Variants in WDFY4 observed in about 807,000 individuals in gnomAD.
WDFY4 encodes WDFY family member 4, also known as WD repeat- and FYVE domain-containing protein 4.
A neutral mutation model predicts 351.9 loss-of-function variants in WDFY4; 169 were observed. The ratio of observed to expected loss-of-function variants is 0.48; its 90% CI spans 0.42 to 0.55. The LOEUF is 0.55. WDFY4 is among the 20% of genes least tolerant of loss of function. WDFY4 has a pLI of 0.00. For missense variants in WDFY4, 3,803 were observed against 3,935.6 expected (o/e 0.97, Z 0.90); for synonymous variants, 1,622 against 1,574.6 (o/e 1.03, Z -0.71).
chr10:48,810,854 C>A, intron 29 of WDFY4, 119 bp downstream of exon 29: 1 of 1,070,548 alleles, frequency 9.3e-7, no homozygotes, highest in Non-Finnish European at 1.3e-6. Flanking sequence ...AGGATCACCT[C>A]GAGCCCTGAC....
rs551421418 is a variant in WDFY4 at position 48,784,504 on chromosome 10, T to C, written c.3577-2135T>C. The stretch of plus-strand genomic sequence containing the variant: ...CTCAGTGATGTCCATCCATATTTTT[T>C]GCCCATTTTCTAATTGCATTGTTTG... On this transcript the variant is annotated intron_variant, in intron 19 of 61. Coordinates refer to ENST00000325239, the MANE Select transcript of WDFY4 (RefSeq NM_001394531.1). Among the ~76,000 whole-genome samples, 9 of 150,242 alleles carry C rather than the reference T, an allele frequency of 6.0e-5. No individual in the cohort carries two copies. The East Asian group carries it at 1.4e-3, about 23-fold the overall frequency.
chr10:48,941,917 T>A lies in WDFY4; in HGVS notation c.7629+69T>A, dbSNP rs551489642. On this transcript the variant is annotated intron_variant, in intron 48 of 61. Transcript: ENST00000325239. ...CAGAGAATGGCTCAGGCCCCAGCGA[T>A]GGAGAGGAAGTGTGTGGATCAACCA... The A allele has an allele frequency of 1.4e-4, 197 of 1,451,972 alleles. No homozygotes were observed. The African/African-American group carries it at 2.4e-3, about 17-fold the overall frequency. 89.9% of individuals were successfully genotyped at this position (1,451,972 alleles called of 1,614,324 possible).
intron 2 of WDFY4, among the ~76,000 whole-genome samples, chr10:48,712,506 G>A (rs2063793519): frequency 6.6e-6 from 1 of 152,156 alleles, no homozygotes; most frequent in South Asian, 2.1e-4. Flanking sequence ...CTTAATATCT[G>A]TATTATTTTA....
chr10:48,718,085 C>T lies in WDFY4; in HGVS notation c.235-1926C>T, dbSNP rs1408666929. 2.6e-5 allele frequency among the ~76,000 whole-genome samples: 4 copies of T among 152,274 alleles called. No homozygotes were observed. The East Asian group carries it at 7.7e-4, about 29-fold the overall frequency. On this transcript the variant is annotated intron_variant, in intron 2 of 61. Transcript: ENST00000325239. ...TTGTCAGGTATTTCATTTTTGCCAA[C>T]CCAAAACATATAAAATATTGAGGTT...
chr10:48,721,346 C>T lies in WDFY4; in HGVS notation c.435C>T (p.Tyr145=), dbSNP rs753784939. 35 of 1,551,516 alleles carry T rather than the reference C, an allele frequency of 2.3e-5. No individual in the cohort carries two copies. Among genetic ancestry groups the T allele is most frequent in the Admixed American group, 3.9e-5 (2 of 50,978 alleles). Reference sequence around the variant, plus strand: ...GCTACTTGCTCCTGAAGTCAGTGTACGTGCTCACGGGGACAGACTCGGTAA... The same window carrying T: ...GCTACTTGCTCCTGAAGTCAGTGTATGTGCTCACGGGGACAGACTCGGTAA... The part of the protein sequence containing the change: ...QDGYLLLKSV[Y]VLTGTDSETL... Residue 145 remains tyrosine, a synonymous_variant, in exon 4 of 62, where the codon TAC becomes TAT. Coordinates refer to ENST00000325239, the MANE Select transcript of WDFY4 (RefSeq NM_001394531.1).
chr10:48,938,669 G>C (rs1053683433), intron 47 of WDFY4, among the ~76,000 whole-genome samples: 2 of 152,232 alleles, frequency 1.3e-5, no homozygotes, highest in African/African-American at 2.4e-5. Flanking sequence ...GGTAGGGAAG[G>C]CCCTAAGGCC....
At chr10:48,946,495 C>A (rs929656814) in intron 50 of WDFY4, among the ~76,000 whole-genome samples, 53 of 152,274 alleles carry the variant, frequency 3.5e-4, no homozygotes, top group African/African-American at 1.3e-3. Flanking sequence ...AGCACTTTCT[C>A]TCTGCCAGGG....
intron 12 of WDFY4, among the ~76,000 whole-genome samples, chr10:48,753,715 A>G (rs551724955): frequency 6.6e-6 from 1 of 152,168 alleles, no homozygotes. Context: ...ATTGATCTCT[A>G]TATTTATCCT....
At chr10:48,890,926 G>A (rs2070670556) in intron 44 of WDFY4, among the ~76,000 whole-genome samples, 199 bp downstream of exon 44, 1 of 152,200 alleles carries the variant, frequency 6.6e-6, no homozygotes, top group African/African-American at 2.4e-5. Flanking sequence ...GATCAGGACT[G>A]GGTACTAATG....
intron 5 of WDFY4, 117 bp downstream of exon 5, chr10:48,723,684 G>C (rs2064167525): frequency 1.4e-6 from 2 of 1,411,840 alleles, no homozygotes; most frequent in Admixed American, 2.3e-5. Flanking sequence ...GAACTCCTCT[G>C]TTCTCCCAGA....
chr10:48,873,472 C>G lies in WDFY4; in HGVS notation c.6742-19C>G. The G allele has an allele frequency of 1.3e-6, 2 of 1,534,130 alleles. No homozygotes were observed. The highest frequency in any genetic ancestry group is 2.5e-5 in the South Asian group (2 of 80,986). On this transcript the variant is annotated intron_variant, in intron 40 of 61. Coordinates refer to ENST00000325239, the MANE Select transcript of WDFY4 (RefSeq NM_001394531.1). ...CATAAGGCAAATGTATCCAGGGTGA[C>G]TCTGTTTCTGCTCCCCAGAGGCGAA... is the stretch of plus-strand genomic sequence containing the variant.
intron 24 of WDFY4, among the ~76,000 whole-genome samples, chr10:48,799,540 C>A (rs917505256): frequency 8.5e-5 from 13 of 152,102 alleles, no homozygotes; most frequent in African/African-American, 2.9e-4. Flanking sequence ...ACGAAGAGGC[C>A]GAGGCGGGTG....
intron 47 of WDFY4, among the ~76,000 whole-genome samples, chr10:48,911,977 C>G (rs773431615): frequency 5.3e-5 from 8 of 152,176 alleles, no homozygotes; most frequent in Non-Finnish European, 1.0e-4. Flanking sequence ...TAAGTTAATA[C>G]CACTTCACTG....
At chr10:48,805,818 T>C (rs2067235185) in intron 26 of WDFY4, among the ~76,000 whole-genome samples, 186 bp from the exon 27 acceptor site, 1 of 152,198 alleles carries the variant, frequency 6.6e-6, no homozygotes, top group Non-Finnish European at 1.5e-5. Flanking sequence ...GAGCCAGAGT[T>C]AGCGTCTCTG....
intron 55 of WDFY4, chr10:48,968,437 CCT>C (rs1263007391): frequency 6.5e-6 from 1 of 152,846 alleles, no homozygotes; most frequent in African/African-American, 2.4e-5. Flanking sequence ...AATCCTGCTC[CCT>C]CTCTTCCTCC....
At chr10:48,751,373 A>G (rs563296671) in intron 12 of WDFY4, among the ~76,000 whole-genome samples, 2 of 152,352 alleles carry the variant, frequency 1.3e-5, no homozygotes, top group African/African-American at 2.4e-5. Context: ...TCGGACTTTA[A>G]GCTGTAGTAG....
chr10:48,809,698 C>G (rs987662882), intron 28 of WDFY4, among the ~76,000 whole-genome samples: 1 of 152,212 alleles, frequency 6.6e-6, no homozygotes, highest in Non-Finnish European at 1.5e-5. Context: ...CCATCATTAT[C>G]AACATAATCA....
intron 47 of WDFY4, among the ~76,000 whole-genome samples, chr10:48,928,353 CGTGTGTGTGTGTGT>C (rs3081490): frequency 1.2e-4 from 15 of 124,960 alleles, no homozygotes; most frequent in East Asian, 2.6e-4. Context: ...TTGGTTTTGA[CGTGTGTGTGTGTGT>C]GTGTGTGTGT....
chr10:48,726,125 A>G, intron 6 of WDFY4, 55 bp downstream of exon 6: 1 of 1,505,002 alleles, frequency 6.6e-7, no homozygotes, highest in Non-Finnish European at 9.0e-7. Flanking sequence ...CTTCCCTTGA[A>G]CTCAGAGCAA....
Sources: allele counts gnomAD v4.1 joint callset (sites outside exome capture counted in the v4.1 genomes callset), GRCh38; gene constraint gnomAD v4.1.1; transcripts MANE v1.5; gene names NCBI Gene and HGNC (gene_info 2026-07-23, HGNC 2026-07-21).